Variants in SRI observed in about 807,000 individuals in gnomAD.
SRI encodes sorcin.
In SRI, 30 loss-of-function variants were observed where a neutral mutation model predicts 33.3. The ratio of observed to expected loss-of-function variants is 0.90; its 90% CI spans 0.67 to 1.22. SRI has a LOEUF of 1.22. Ranked by LOEUF, SRI falls within the 50% of genes most tolerant of loss-of-function variation. The pLI, the probability that SRI is intolerant of heterozygous loss-of-function variation, is 0.00. For missense variants in SRI, 243 were observed against 250.8 expected (o/e 0.97, Z 0.21); for synonymous variants, 75 against 89.9 (o/e 0.83, Z 0.94).
chr7:88,220,965 G>C (rs1851876608), upstream of SRI, among the ~76,000 whole-genome samples: 1 of 152,128 alleles, frequency 6.6e-6, no homozygotes, highest in Non-Finnish European at 1.5e-5. Flanking sequence ...AGCAATTCAG[G>C]CGTGAGCTTT....
chr7:88,220,015 C>T lies in SRI; in HGVS notation c.12G>A (p.Pro4=), dbSNP rs1270230267. 4.6e-6 allele frequency: 7 copies of T among 1,533,630 alleles called. No individual in the cohort carries two copies. The highest frequency in any genetic ancestry group is 5.2e-6 in the Non-Finnish European group (6 of 1,145,408). ...ACCCGCCGCCGGCGCCAGGATGCCC[C>T]GGGTACGCCATGCTGCAGACTGCGC... is the stretch of plus-strand genomic sequence containing the variant. The part of the protein sequence containing the change: MAY[P]GHPGAGGGYY... Residue 4 remains proline (P), a synonymous_variant, in exon 1 of 8, where the codon CCG becomes CCA. Coordinates refer to ENST00000265729, the MANE Select transcript of SRI (RefSeq NM_003130.4).
At chr7:88,221,823 T>A (rs1851894537), upstream of SRI, among the ~76,000 whole-genome samples, 1 of 149,216 alleles carries the variant, frequency 6.7e-6, no homozygotes, top group Non-Finnish European at 1.5e-5. Flanking sequence ...TATCTCCCAA[T>A]GCTATCCCTC....
chr7:88,208,401 T>C (rs1851485201), intron 7 of SRI, 106 bp downstream of exon 7: 1 of 1,511,620 alleles, frequency 6.6e-7, no homozygotes, highest in South Asian at 1.3e-5. Flanking sequence ...CCCTTATGTC[T>C]CTGGCATCCT....
At chr7:88,209,106 T>C (rs1851504625) in intron 6 of SRI, 1 of 367,296 alleles carries the variant, frequency 2.7e-6, no homozygotes, top group Non-Finnish European at 4.9e-6. Context: ...TTTTAGAACA[T>C]TTTAGTAAAA....
intron 7 of SRI, 55 bp downstream of exon 7, chr7:88,208,452 C>T (rs769960389): frequency 1.2e-6 from 2 of 1,605,494 alleles, no homozygotes; most frequent in Non-Finnish European, 8.5e-7. Context: ...CAAAGGGATA[C>T]CCATCTGGTG....
chr7:88,219,865 GC>G (rs1219009894), intron 1 of SRI, 110 bp downstream of exon 1: 1 of 1,347,072 alleles, frequency 7.4e-7, no homozygotes, highest in Non-Finnish European at 1.0e-6. Context: ...GGCGGAAGGA[GC>G]CCGGGTAGCC....
upstream of SRI, among the ~76,000 whole-genome samples, chr7:88,221,685 T>G (rs1851890828): frequency 6.6e-6 from 1 of 152,192 alleles, no homozygotes; most frequent in Non-Finnish European, 1.5e-5. Context: ...TGCTAAAGAA[T>G]TGAATTTTTT....
intron 1 of SRI, chr7:88,226,758 G>T: frequency 1.3e-6 from 1 of 749,556 alleles, no homozygotes; most frequent in Non-Finnish European, 2.0e-6. Context: ...GCAAAGCTGA[G>T]AAAGGAACCT....
In SRI at chr7:88,216,709, G is replaced by C. The variant is rs112998944; in HGVS notation, c.205+413C>G. Reference sequence around the variant, plus strand: ...AGGAGGCCACCCAAACTGTCTCACTGGTTCTAGGTACACAAAACCCAAATC... The same window carrying C: ...AGGAGGCCACCCAAACTGTCTCACTCGTTCTAGGTACACAAAACCCAAATC... On this transcript the variant is annotated intron_variant, in intron 3 of 7. Transcript: ENST00000265729. 467 of 186,472 alleles carry C rather than the reference G, an allele frequency of 2.5e-3. 2 individuals carry two copies. The highest frequency in any genetic ancestry group is 0.011 in the African/African-American group (450 of 42,038). 11.6% of individuals were successfully genotyped at this position (186,472 alleles called of 1,614,324 possible).
upstream of SRI, among the ~76,000 whole-genome samples, chr7:88,224,485 G>A (rs1851955387): frequency 6.6e-6 from 1 of 152,180 alleles, no homozygotes; most frequent in Non-Finnish European, 1.5e-5. Context: ...TGATCTGGGT[G>A]TGGCACCTCA....
upstream of SRI, among the ~76,000 whole-genome samples, chr7:88,222,579 T>C (rs1176404076): frequency 6.6e-6 from 1 of 152,138 alleles, no homozygotes; most frequent in African/African-American, 2.4e-5. Flanking sequence ...CTGTAGATTC[T>C]GGATATTAGC....
At chr7:88,217,009 A>G in intron 3 of SRI, 113 bp downstream of exon 3, 2 of 990,194 alleles carry the variant, frequency 2.0e-6, no homozygotes, top group Non-Finnish European at 3.2e-6. Flanking sequence ...TCGGAATTCT[A>G]AACTTTGCTA....
In SRI at chr7:88,214,479, C is replaced by T. The variant is rs564305807; in HGVS notation, c.205+2643G>A. Among the ~76,000 whole-genome samples, 10 of 152,152 alleles carry T rather than the reference C, an allele frequency of 6.6e-5. No individual in the cohort carries two copies. The South Asian group carries it at 1.0e-3, about 16-fold the overall frequency. ...GAAAGGGCAGTGAGATGGCAGTGAA[C>T]AAAAGTGAATGAACAAAAAATACAC... On this transcript the variant is annotated intron_variant, in intron 3 of 7. Transcript: ENST00000265729.
intron 3 of SRI, among the ~76,000 whole-genome samples, chr7:88,213,501 G>A (rs1044846900): frequency 2.6e-5 from 4 of 152,042 alleles, no homozygotes; most frequent in Non-Finnish European, 5.9e-5. Context: ...CTTCATGGTC[G>A]GCCTCATTTC....
At chr7:88,226,040 A>G (rs551526506) in intron 1 of SRI, among the ~76,000 whole-genome samples, 16 of 152,262 alleles carry the variant, frequency 1.1e-4, no homozygotes, top group South Asian at 4.1e-4. Flanking sequence ...CATGTCTGGG[A>G]CCACATAGAA....
At chr7:88,215,227 A>G (rs926707177) in intron 3 of SRI, among the ~76,000 whole-genome samples, 1 of 152,246 alleles carries the variant, frequency 6.6e-6, no homozygotes, top group African/African-American at 2.4e-5. Context: ...GAGTAGGCAA[A>G]TGGATTCAAT....
chr7:88,220,343 C>T (rs1476757709), upstream of SRI, among the ~76,000 whole-genome samples: 1 of 139,960 alleles, frequency 7.1e-6, no homozygotes, highest in Non-Finnish European at 1.5e-5. Context: ...CACCAATACA[C>T]CACCCCAGGA....
upstream of SRI, among the ~76,000 whole-genome samples, chr7:88,224,418 T>C (rs924784456): frequency 2.6e-5 from 4 of 152,226 alleles, no homozygotes. Context: ...CTTCACTTGT[T>C]AGGAAGAAAT....
Position 88,206,606 on chromosome 7 carries a change from A to G in SRI, c.571-102T>C, listed in dbSNP as rs1851443989. On this transcript the variant is annotated intron_variant, in intron 7 of 7. Coordinates refer to ENST00000265729, the MANE Select transcript of SRI (RefSeq NM_003130.4). ...TGGTTTTCTAATTTGAACACGGGTAAAACAACCCCTACAACTTTCTAAGAT... is the reference window on the plus strand; with the variant it reads ...TGGTTTTCTAATTTGAACACGGGTAGAACAACCCCTACAACTTTCTAAGAT... 2.3e-6 allele frequency: 3 copies of G among 1,291,672 alleles called. No individual in the cohort carries two copies. The African/African-American group carries it at 4.4e-5, about 19-fold the overall frequency. The allele number at this position is 1,291,672 out of a possible 1,614,324, so 80.0% of individuals were successfully genotyped here.
Sources: allele counts gnomAD v4.1 joint callset (sites outside exome capture counted in the v4.1 genomes callset), GRCh38; gene constraint gnomAD v4.1.1; transcripts MANE v1.5; gene names NCBI Gene and HGNC (gene_info 2026-07-23, HGNC 2026-07-21).